Variants in GUCY1A2 observed in about 807,000 individuals in gnomAD.
GUCY1A2 encodes guanylate cyclase 1 soluble subunit alpha 2.
Under a neutral mutation model 63.5 loss-of-function variants are expected in GUCY1A2, and 27 were observed. The observed-to-expected ratio is 0.43, with a 90% CI of 0.31 to 0.59. The LOEUF (loss-of-function observed/expected upper bound fraction) is 0.59, where lower values mean the gene tolerates loss of function less well. Among genes scored for constraint, GUCY1A2 ranks in the 20% least tolerant of loss-of-function variants. The probability of loss-of-function intolerance (pLI) is 0.11; values close to 1 mark genes in which losing one functional copy is unlikely to be tolerated. For missense variants in GUCY1A2, 768 were observed against 913.3 expected, an observed-to-expected ratio of 0.84 and a Z score of 2.05; for synonymous variants, 364 against 343.5, an observed-to-expected ratio of 1.06 and a Z score of -0.66.
intron 7 of GUCY1A2, among the ~76,000 whole-genome samples, chr11:106,696,637 T>C (rs977178457): frequency 6.6e-6 from 1 of 152,138 alleles, no homozygotes; most frequent in Admixed American, 6.5e-5. Flanking sequence ...AAGGAGATCA[T>C]GCAAATTTTA....
chr11:106,999,296 C>A (rs1254785561), intron 1 of GUCY1A2, among the ~76,000 whole-genome samples: 1 of 151,978 alleles, frequency 6.6e-6, no homozygotes, highest in African/African-American at 2.4e-5. Flanking sequence ...AGTAAATGCC[C>A]CCACTTAACA....
At chr11:106,872,747 GCATGTGCA>G (rs1306015086) in intron 4 of GUCY1A2, among the ~76,000 whole-genome samples, 1 of 152,126 alleles carries the variant, frequency 6.6e-6, no homozygotes, top group East Asian at 1.9e-4. Context: ...TCAGAATGGT[GCATGTGCA>G]CACACACACA....
chr11:107,018,128 G>T lies in GUCY1A2; in HGVS notation c.-73C>A. 9.8e-7 allele frequency: 1 copy of T among 1,021,938 alleles called. No individual in the cohort carries two copies. Among genetic ancestry groups the T allele is most frequent in the Non-Finnish European group, 1.3e-6 (1 of 771,858 alleles). 63.3% of individuals were successfully genotyped at this position (1,021,938 alleles called of 1,614,324 possible). A position where few individuals can be genotyped will look rare whatever the true frequency, so the allele number is the denominator to read the frequency against. On this transcript the variant is annotated 5_prime_UTR_variant, in exon 1 of 8. Transcript: ENST00000526355. ...AGCGGCGGCGGAGGCGGCGGTGGCG[G>T]GACCGGCAAGCGACAACGTTAAGCG...
intron 5 of GUCY1A2, among the ~76,000 whole-genome samples, chr11:106,777,445 CAAAAAA>C (rs34353077): frequency 1.1e-5 from 1 of 91,400 alleles, no homozygotes; most frequent in Admixed American, 1.3e-4. Context: ...GACTTGGTCT[CAAAAAA>C]AAAAAAAAAA....
At chr11:106,748,681 T>TA (rs1207662531) in intron 6 of GUCY1A2, among the ~76,000 whole-genome samples, 1 of 152,240 alleles carries the variant, frequency 6.6e-6, no homozygotes, top group Non-Finnish European at 1.5e-5. Context: ...TGACCTTTAT[T>TA]TCTAAACATC....
At chr11:106,873,036 T>C (rs1859701796) in intron 4 of GUCY1A2, among the ~76,000 whole-genome samples, 1 of 152,182 alleles carries the variant, frequency 6.6e-6, no homozygotes, top group African/African-American at 2.4e-5. Flanking sequence ...TTTCTGATCC[T>C]GTGTTAGTTT....
At chr11:106,952,996 CTCT>C (rs758173817) in intron 3 of GUCY1A2, among the ~76,000 whole-genome samples, 126 of 152,272 alleles carry the variant, frequency 8.3e-4, no homozygotes, top group Non-Finnish European at 1.4e-3. Context: ...TTGACTTCCT[CTCT>C]TCTTGTTTGA....
intron 3 of GUCY1A2, among the ~76,000 whole-genome samples, chr11:106,961,869 G>C (rs1425103475): frequency 1.3e-5 from 2 of 152,098 alleles, no homozygotes; most frequent in Non-Finnish European, 2.9e-5. Context: ...TTGTGACTAT[G>C]GTAACCTTGT....
At chr11:107,010,275 T>C (rs1026807680) in intron 1 of GUCY1A2, among the ~76,000 whole-genome samples, 4 of 152,210 alleles carry the variant, frequency 2.6e-5, no homozygotes, top group African/African-American at 7.2e-5. Context: ...GATCCTGTCC[T>C]GAAGTGATGT....
chr11:106,847,370 A>G (rs959711780), intron 4 of GUCY1A2, among the ~76,000 whole-genome samples: 2 of 151,348 alleles, frequency 1.3e-5, no homozygotes, highest in Non-Finnish European at 3.0e-5. Context: ...TGATAATAAT[A>G]CCTTTGCTGT....
At position 106,682,778 on chromosome 11, in the gene GUCY1A2, T is replaced by C; in HGVS notation, c.*4771A>G. 4.7e-6 allele frequency: 1 copy of C among 210,676 alleles called. No individual in the cohort carries two copies. The allele number at this position is 210,676 out of a possible 1,614,324, so 13.1% of individuals were successfully genotyped here. ...GGATTAGCTGTGATACTTCCTGTGT[T>C]ATAAATGTATCAGTGACCTTTTTTA... On this transcript the variant is annotated 3_prime_UTR_variant, in exon 8 of 8. Coordinates refer to ENST00000526355, the MANE Select transcript of GUCY1A2 (RefSeq NM_000855.3).
At chr11:106,902,869 T>C (rs944580420) in intron 4 of GUCY1A2, among the ~76,000 whole-genome samples, 1 of 152,178 alleles carries the variant, frequency 6.6e-6, no homozygotes, top group Non-Finnish European at 1.5e-5. Context: ...ATAGGTTATA[T>C]GCAAATACTA....
intron 4 of GUCY1A2, among the ~76,000 whole-genome samples, chr11:106,901,165 C>T (rs1392690627): frequency 1.3e-5 from 2 of 152,186 alleles, no homozygotes; most frequent in Non-Finnish European, 2.9e-5. Flanking sequence ...GTTCACACAT[C>T]TTTACCAGGG....
intron 6 of GUCY1A2, among the ~76,000 whole-genome samples, chr11:106,769,755 C>T (rs1486553722): frequency 6.6e-6 from 1 of 151,946 alleles, no homozygotes; most frequent in Admixed American, 6.6e-5. Flanking sequence ...TTAAATACTC[C>T]TAATTGATAA....
intron 4 of GUCY1A2, among the ~76,000 whole-genome samples, chr11:106,878,709 T>A (rs1320931891): frequency 4.0e-5 from 6 of 150,334 alleles, no homozygotes; most frequent in Non-Finnish European, 7.4e-5. Flanking sequence ...GAAAATAATC[T>A]GTACAACAAA....
chr11:106,955,737 C>CT, intron 3 of GUCY1A2, among the ~76,000 whole-genome samples: 1 of 152,080 alleles, frequency 6.6e-6, no homozygotes, highest in East Asian at 1.9e-4. Flanking sequence ...ACAGTTTTTC[C>CT]TTTTTTTGAC....
chr11:106,754,882 G>T (rs902341063), intron 6 of GUCY1A2, among the ~76,000 whole-genome samples: 1 of 152,134 alleles, frequency 6.6e-6, no homozygotes, highest in Non-Finnish European at 1.5e-5. Context: ...AATGAGTTAG[G>T]GAGGATTCCC....
At chr11:106,903,197 A>G (rs1013657299) in intron 4 of GUCY1A2, among the ~76,000 whole-genome samples, 2 of 152,196 alleles carry the variant, frequency 1.3e-5, no homozygotes, top group African/African-American at 2.4e-5. Flanking sequence ...TAATTATTAC[A>G]TCTTCTGAAA....
At chr11:106,910,589 T>C (rs1297802589) in intron 4 of GUCY1A2, among the ~76,000 whole-genome samples, 1 of 152,092 alleles carries the variant, frequency 6.6e-6, no homozygotes, top group Non-Finnish European at 1.5e-5. Context: ...GGCACAGGCC[T>C]ATATTCCTTT....
Sources: gnomAD v4.1 joint callset for allele counts (sites outside exome capture counted in the v4.1 genomes callset) on GRCh38, gnomAD v4.1.1 for gene constraint, MANE v1.5 for transcripts, NCBI Gene and HGNC (gene_info 2026-07-23, HGNC 2026-07-21) for gene names.